The following NTRK2 variants were observed in gnomAD, a reference collection of about 807,000 sequenced individuals.
NTRK2 encodes neurotrophic receptor tyrosine kinase 2, also known as BDNF/NT-3 growth factors receptor.
In NTRK2, 13 loss-of-function variants were observed where a neutral mutation model predicts 94.5. The observed-to-expected ratio is 0.14, with a 90% CI of 0.09 to 0.22. The LOEUF (loss-of-function observed/expected upper bound fraction) is 0.22. Among genes scored for constraint, NTRK2 ranks in the 10% least tolerant of loss-of-function variants. The pLI is 1.00. For synonymous variants in NTRK2, 372 were observed against 407.4 expected, an observed-to-expected ratio of 0.91 and a Z score of 1.05; for missense variants, 639 against 1,071.2, an observed-to-expected ratio of 0.60 and a Z score of 5.63.
At chr9:84,850,921 A>G (rs1371719047) in intron 12 of NTRK2, among the ~76,000 whole-genome samples, 3 of 152,212 alleles carry the variant, frequency 2.0e-5, no homozygotes, top group Admixed American at 1.3e-4. Flanking sequence ...TGCTGTAGTG[A>G]CCATGAGCAT....
chr9:84,815,990 T>TAAA (rs34917078), intron 12 of NTRK2, among the ~76,000 whole-genome samples: 1 of 139,136 alleles, frequency 7.2e-6, no homozygotes. Context: ...AGGCAATCCT[T>TAAA]AAAAAAAAAA....
chr9:85,007,519 G>C (rs1181245277), intron 17 of NTRK2, among the ~76,000 whole-genome samples: 1 of 152,214 alleles, frequency 6.6e-6, no homozygotes, highest in African/African-American at 2.4e-5. Context: ...GGAAAATGGG[G>C]AGTGATTGTT....
At chr9:84,780,352 T>G (rs999288047) in intron 12 of NTRK2, among the ~76,000 whole-genome samples, 2 of 152,126 alleles carry the variant, frequency 1.3e-5, no homozygotes, top group Non-Finnish European at 2.9e-5. Context: ...AAACCTAAAA[T>G]GTTTACTCTC....
intron 17 of NTRK2, among the ~76,000 whole-genome samples, chr9:85,000,732 A>AG (rs1483764729): frequency 6.6e-6 from 1 of 152,224 alleles, no homozygotes; most frequent in Non-Finnish European, 1.5e-5. Context: ...ATTCATGTGC[A>AG]GGTTTCTGTG....
intron 14 of NTRK2, among the ~76,000 whole-genome samples, chr9:84,915,308 C>T (rs1214889077): frequency 2.0e-5 from 3 of 152,170 alleles, no homozygotes; most frequent in Non-Finnish European, 4.4e-5. Flanking sequence ...ATGTGATCCC[C>T]AGTGTTGAGG....
At chr9:84,966,368 A>G (rs1825559974) in intron 17 of NTRK2, among the ~76,000 whole-genome samples, 1 of 152,152 alleles carries the variant, frequency 6.6e-6, no homozygotes, top group African/African-American at 2.4e-5. Flanking sequence ...TTGGGAATTT[A>G]TATTCTTCAC....
At chr9:84,749,345 C>CT (rs1342451806) in intron 11 of NTRK2, among the ~76,000 whole-genome samples, 3 of 152,176 alleles carry the variant, frequency 2.0e-5, no homozygotes, top group African/African-American at 7.2e-5. Flanking sequence ...TGGCCAAGAG[C>CT]TTTGTATGTC....
At chr9:84,839,143 G>A (rs2074035975) in intron 12 of NTRK2, among the ~76,000 whole-genome samples, 1 of 152,156 alleles carries the variant, frequency 6.6e-6, no homozygotes, top group African/African-American at 2.4e-5. Context: ...AACCTAATGG[G>A]TATCTTTGTC....
intron 14 of NTRK2, among the ~76,000 whole-genome samples, chr9:84,925,198 C>CTTTT (rs1220898347): frequency 7.1e-6 from 1 of 140,838 alleles, no homozygotes; most frequent in African/African-American, 2.7e-5. Context: ...CTCTTCTCTT[C>CTTTT]TTCTTTTTTT....
chr9:84,964,342 T>C (rs1279612983), intron 17 of NTRK2, among the ~76,000 whole-genome samples: 1 of 152,236 alleles, frequency 6.6e-6, no homozygotes, highest in Non-Finnish European at 1.5e-5. Flanking sequence ...TCCTCCTGTG[T>C]ACTCTGCCCA....
At chr9:84,764,540 A>G (rs1267197387) in intron 12 of NTRK2, among the ~76,000 whole-genome samples, 1 of 152,222 alleles carries the variant, frequency 6.6e-6, no homozygotes, top group East Asian at 1.9e-4. Context: ...TCATAGGATT[A>G]TAGAAAAAAA....
At chr9:84,912,611 C>CTTTTTTTTTTTT (rs1212242779) in intron 14 of NTRK2, among the ~76,000 whole-genome samples, 2 of 95,246 alleles carry the variant, frequency 2.1e-5, no homozygotes, top group Admixed American at 1.2e-4. Context: ...TTTGACTTGC[C>CTTTTTTTTTTTT]TTTTTTTTTT....
intron 2 of NTRK2, among the ~76,000 whole-genome samples, chr9:84,694,758 C>T (rs2060257735): frequency 6.6e-6 from 1 of 152,146 alleles, no homozygotes; most frequent in African/African-American, 2.4e-5. Flanking sequence ...TGAGGTCTAT[C>T]TACTTTTATC....
chr9:84,776,534 G>A (rs557348517), intron 12 of NTRK2, among the ~76,000 whole-genome samples: 7 of 152,274 alleles, frequency 4.6e-5, no homozygotes, highest in African/African-American at 1.7e-4. Context: ...TTTCTTAAAA[G>A]CTTTATTAAA....
At chr9:84,883,695 A>G (rs2076332341) in intron 14 of NTRK2, among the ~76,000 whole-genome samples, 1 of 152,222 alleles carries the variant, frequency 6.6e-6, no homozygotes, top group Non-Finnish European at 1.5e-5. Context: ...TAAAGTTGCT[A>G]AAATGCCAAA....
intron 6 of NTRK2, among the ~76,000 whole-genome samples, chr9:84,721,693 C>A (rs2062076793): frequency 6.6e-6 from 1 of 152,042 alleles, no homozygotes; most frequent in South Asian, 2.1e-4. Flanking sequence ...TAGTGATGAG[C>A]AGAGCAATAC....
At chr9:84,994,190 C>T (rs1829445882) in intron 17 of NTRK2, among the ~76,000 whole-genome samples, 2 of 152,006 alleles carry the variant, frequency 1.3e-5, no homozygotes, top group African/African-American at 4.8e-5. Context: ...ATTCTAAACA[C>T]AATCTTTTCT....
intron 12 of NTRK2, among the ~76,000 whole-genome samples, chr9:84,783,106 T>C (rs1427790327): frequency 2.0e-5 from 3 of 152,306 alleles, no homozygotes; most frequent in East Asian, 3.9e-4. Flanking sequence ...CCTCCCAGCA[T>C]GAGAGACCCC....
chr9:84,834,441 CA>C (rs575677974), intron 12 of NTRK2, among the ~76,000 whole-genome samples: 1 of 152,068 alleles, frequency 6.6e-6, no homozygotes, highest in African/African-American at 2.4e-5. Flanking sequence ...GCCTGAGCCC[CA>C]AAGTGTTAGT....
Sources: allele counts gnomAD v4.1 joint callset (sites outside exome capture counted in the v4.1 genomes callset), GRCh38; gene constraint gnomAD v4.1.1; transcripts MANE v1.5; gene names NCBI Gene and HGNC (gene_info 2026-07-23, HGNC 2026-07-21).